Variants in DLG2 observed in about 807,000 individuals in gnomAD.
The protein encoded by DLG2 is discs large MAGUK scaffold protein 2, also known as disks large homolog 2.
In DLG2, 45 loss-of-function variants were observed where a neutral mutation model predicts 132.5. That is an observed-to-expected ratio of 0.34 (90% CI 0.27 to 0.44). The LOEUF is 0.44. DLG2 is among the 20% of genes least tolerant of loss of function. DLG2 has a pLI of 1.00. For synonymous variants in DLG2, 424 were observed against 419.6 expected, an observed-to-expected ratio of 1.01 and a Z score of -0.13; for missense variants, 1,045 against 1,196.9, an observed-to-expected ratio of 0.87 and a Z score of 1.87.
intron 6 of DLG2, among the ~76,000 whole-genome samples, chr11:84,884,214 A>G (rs2087840399): frequency 1.3e-5 from 2 of 152,104 alleles, no homozygotes; most frequent in African/African-American, 4.8e-5. Flanking sequence ...TTTTAATTTT[A>G]AGTGACCTGA....
intron 6 of DLG2, among the ~76,000 whole-genome samples, chr11:84,900,942 A>G (rs1314138890): frequency 6.6e-6 from 1 of 152,082 alleles, no homozygotes; most frequent in East Asian, 1.9e-4. Flanking sequence ...AGAATTTATT[A>G]TAATTCTCTA....
At chr11:85,519,470 C>T (rs1464115241) in intron 3 of DLG2, among the ~76,000 whole-genome samples, 1 of 152,120 alleles carries the variant, frequency 6.6e-6, no homozygotes, top group Non-Finnish European at 1.5e-5. Flanking sequence ...GCCAATGTCT[C>T]CTATTTGGAA....
intron 18 of DLG2, among the ~76,000 whole-genome samples, chr11:83,677,725 T>G (rs2078000723): frequency 1.3e-5 from 2 of 152,120 alleles, no homozygotes; most frequent in South Asian, 2.1e-4. Context: ...TTCTTAGTAA[T>G]TACAAAAAGA....
At chr11:85,201,000 A>G (rs566642106) in intron 4 of DLG2, among the ~76,000 whole-genome samples, 1 of 151,980 alleles carries the variant, frequency 6.6e-6, no homozygotes, top group South Asian at 2.1e-4. Flanking sequence ...CCTCATGGCT[A>G]ATGAGAATAA....
At chr11:85,241,345 T>C (rs2075867971) in intron 4 of DLG2, among the ~76,000 whole-genome samples, 1 of 151,858 alleles carries the variant, frequency 6.6e-6, no homozygotes, top group African/African-American at 2.4e-5. Flanking sequence ...AATGTTGCTT[T>C]TATTTCTTAT....
At chr11:85,390,984 A>G (rs1232312322) in intron 3 of DLG2, among the ~76,000 whole-genome samples, 1 of 152,026 alleles carries the variant, frequency 6.6e-6, no homozygotes, top group Non-Finnish European at 1.5e-5. Flanking sequence ...TGCAAATGAT[A>G]TATGAAACAA....
chr11:83,824,244 T>A (rs1407607325), intron 17 of DLG2, among the ~76,000 whole-genome samples: 2 of 152,166 alleles, frequency 1.3e-5, no homozygotes, highest in Non-Finnish European at 2.9e-5. Context: ...CCCTCCAGAA[T>A]CCTTCTTACT....
At chr11:84,991,346 A>G (rs1308205180) in intron 6 of DLG2, among the ~76,000 whole-genome samples, 2 of 151,892 alleles carry the variant, frequency 1.3e-5, no homozygotes, top group African/African-American at 2.4e-5. Flanking sequence ...CCGTCTCTAC[A>G]AACAATATAA....
intron 2 of DLG2, among the ~76,000 whole-genome samples, chr11:85,607,396 C>T (rs773987934): frequency 6.6e-6 from 1 of 152,332 alleles, no homozygotes; most frequent in Non-Finnish European, 1.5e-5. Flanking sequence ...GTTGACCCTG[C>T]AGCCATGAGT....
intron 16 of DLG2, among the ~76,000 whole-genome samples, chr11:83,845,488 T>C (rs191335298): frequency 1.1e-3 from 160 of 152,320 alleles, no homozygotes; most frequent in African/African-American, 3.6e-3. Context: ...AAACAGATTA[T>C]TGGGCATCAT....
chr11:83,998,060 C>T (rs537682623), intron 11 of DLG2, among the ~76,000 whole-genome samples: 11 of 151,838 alleles, frequency 7.2e-5, no homozygotes, highest in South Asian at 2.1e-4. Context: ...CACTTGAACC[C>T]GGGAGGTGGA....
At chr11:84,795,553 T>C (rs1259282656) in intron 6 of DLG2, among the ~76,000 whole-genome samples, 2 of 152,110 alleles carry the variant, frequency 1.3e-5, no homozygotes, top group African/African-American at 4.8e-5. Flanking sequence ...TTCACCTTGA[T>C]CATCCTCCGC....
Position 83,607,559 on chromosome 11 carries a change from A to C in DLG2, c.1940+25652T>G, listed in dbSNP as rs1037391268. Among the ~76,000 whole-genome samples, 3 of 152,178 alleles carry C rather than the reference A, an allele frequency of 2.0e-5. No homozygotes were observed. In the East Asian group the frequency reaches 5.8e-4, roughly 29 times the overall value. On this transcript the variant is annotated intron_variant, in intron 19 of 27. Coordinates refer to ENST00000376104, the MANE Select transcript of DLG2 (RefSeq NM_001142699.3). ...CATTTCCTACAACTACTATTAGCAA[A>C]TGGTTTAGCAATTTATTTAAAGTAT...
At chr11:84,619,881 C>T (rs2154540852) in intron 6 of DLG2, among the ~76,000 whole-genome samples, 1 of 151,508 alleles carries the variant, frequency 6.6e-6, no homozygotes. Context: ...TCAATCTTCC[C>T]AAATTAACTT....
intron 3 of DLG2, among the ~76,000 whole-genome samples, chr11:85,337,113 G>A (rs2082186355): frequency 6.6e-6 from 1 of 152,134 alleles, no homozygotes; most frequent in East Asian, 1.9e-4. Context: ...ATTCCGAAAG[G>A]CTAGGACACT....
At chr11:85,589,549 G>A (rs1243570596) in intron 3 of DLG2, among the ~76,000 whole-genome samples, 2 of 152,178 alleles carry the variant, frequency 1.3e-5, no homozygotes, top group Non-Finnish European at 2.9e-5. Context: ...CAGCCACTGT[G>A]GGGGTGTGGG....
At chr11:83,689,955 TTATATAA>T (rs1299872256) in intron 18 of DLG2, among the ~76,000 whole-genome samples, 1 of 136,118 alleles carries the variant, frequency 7.3e-6, no homozygotes, top group Non-Finnish European at 1.6e-5. Flanking sequence ...TTATATATAT[TTATATAA>T]TATATATTTA....
At chr11:84,983,288 A>G (rs2056024942) in intron 6 of DLG2, among the ~76,000 whole-genome samples, 1 of 152,172 alleles carries the variant, frequency 6.6e-6, no homozygotes, top group Non-Finnish European at 1.5e-5. Flanking sequence ...CATGGCTGAG[A>G]GACCCACAGA....
At chr11:84,889,551 G>C (rs201109856) in intron 6 of DLG2, among the ~76,000 whole-genome samples, 2 of 152,116 alleles carry the variant, frequency 1.3e-5, no homozygotes, top group Non-Finnish European at 2.9e-5. Flanking sequence ...GGACAAAAGT[G>C]AAATGTTCAG....
Sources: gnomAD v4.1 joint callset for allele counts (sites outside exome capture counted in the v4.1 genomes callset) on GRCh38, gnomAD v4.1.1 for gene constraint, MANE v1.5 for transcripts, NCBI Gene and HGNC (gene_info 2026-07-23, HGNC 2026-07-21) for gene names.